TRIML1: variants seen among roughly 807,000 people sequenced by gnomAD.
The protein encoded by TRIML1 is tripartite motif family like 1.
In TRIML1, 34 loss-of-function variants were observed where a neutral mutation model predicts 32.3. That is an observed-to-expected ratio of 1.05 (90% CI 0.80 to 1.40). The LOEUF (loss-of-function observed/expected upper bound fraction) is 1.40. Ranked by LOEUF, TRIML1 falls within the 40% of genes most tolerant of loss-of-function variation. The probability of loss-of-function intolerance (pLI) is 0.00; values close to 1 mark genes in which losing one functional copy is unlikely to be tolerated. For missense variants in TRIML1, 595 were observed against 574.9 expected (o/e 1.03, Z -0.36); for synonymous variants, 244 against 226.6 (o/e 1.08, Z -0.69).
chr4:188,143,745 T>C, intron 3 of TRIML1, 93 bp from the exon 4 acceptor site: 1 of 1,490,516 alleles, frequency 6.7e-7, no homozygotes, highest in Non-Finnish European at 9.4e-7. Flanking sequence ...GGAAGCAGAT[T>C]CTGTGAGCTT....
chr4:188,141,262 G>A (rs1734845190), intron 2 of TRIML1, among the ~76,000 whole-genome samples: 1 of 149,450 alleles, frequency 6.7e-6, no homozygotes, highest in African/African-American at 2.5e-5. Context: ...CCACCTCCCG[G>A]GTTCAAGTGA....
At chr4:188,140,054 G>A in intron 1 of TRIML1, 88 bp downstream of exon 1, 2 of 1,409,874 alleles carry the variant, frequency 1.4e-6, no homozygotes, top group Non-Finnish European at 1.9e-6. Flanking sequence ...CTCTGTGGGG[G>A]ACAGTCACGA....
At chr4:188,144,492 A>G (rs914320570) in intron 5 of TRIML1, among the ~76,000 whole-genome samples, 116 of 143,728 alleles carry the variant, frequency 8.1e-4, no homozygotes, top group Middle Eastern at 3.8e-3. Flanking sequence ...CCTCCCGAGT[A>G]GCTGGGACTA....
chr4:188,140,373 C>T (rs560621154), intron 1 of TRIML1, among the ~76,000 whole-genome samples, 155 bp from the exon 2 acceptor site: 145 of 152,264 alleles, frequency 9.5e-4, no homozygotes, highest in African/African-American at 3.1e-3. Flanking sequence ...CCGCCTGCCT[C>T]GGCCTCCCAA....
At chr4:188,140,123 TC>T (rs1734797470) in intron 1 of TRIML1, among the ~76,000 whole-genome samples, 157 bp downstream of exon 1, 2 of 142,746 alleles carry the variant, frequency 1.4e-5, no homozygotes, top group African/African-American at 5.0e-5. Context: ...CCCTTTTTTT[TC>T]CCTTTTTTTG....
chr4:188,139,717 T>A lies in TRIML1; in HGVS notation c.159T>A (p.Cys53Ter). The change falls in exon 1 of 6, where the codon TGT becomes TGA. Residue 53 changes from cysteine (C) to a stop codon, truncating the protein, a stop_gained. Transcript: ENST00000332517. LOFTEE classifies it high-confidence loss of function. The part of the protein sequence containing the change: ...SWEEHNTPLS[C>*]PECWRTLEGP... The stretch of plus-strand genomic sequence containing the variant: ...AGGAACATAACACACCTTTATCTTG[T>A]CCTGAGTGCTGGAGGACCTTGGAGG... 1 of 1,613,956 alleles carries A rather than the reference T, an allele frequency of 6.2e-7. No individual in the cohort carries two copies. Among genetic ancestry groups the A allele is most frequent in the Non-Finnish European group, 8.5e-7 (1 of 1,179,992 alleles).
At chr4:188,140,112 A>G in intron 1 of TRIML1, 146 bp downstream of exon 1, 3 of 816,516 alleles carry the variant, frequency 3.7e-6, no homozygotes, top group Non-Finnish European at 5.5e-6. Flanking sequence ...TCCAGTTTAC[A>G]CCCTTTTTTT....
chr4:188,139,337 A>T, upstream of TRIML1: 1 of 430,662 alleles, frequency 2.3e-6, no homozygotes, highest in Non-Finnish European at 4.1e-6. Context: ...GGGGTTGGTG[A>T]GGAGCCCAGT....
chr4:188,141,568 T>C (rs189030442), intron 2 of TRIML1, among the ~76,000 whole-genome samples: 5 of 152,324 alleles, frequency 3.3e-5, no homozygotes, highest in Admixed American at 3.3e-4. Context: ...GTTGAATAAA[T>C]GAACACACAT....
upstream of TRIML1, chr4:188,139,388 G>A (rs1734758950): frequency 1.6e-6 from 1 of 631,904 alleles, no homozygotes; most frequent in South Asian, 2.5e-5. Flanking sequence ...GCTTTGTGTT[G>A]GACAGTGTAT....
In TRIML1 at chr4:188,147,326, C is replaced by G. The variant is rs766815907; in HGVS notation, c.1361C>G (p.Thr454Arg). 4.6e-6 allele frequency: 7 copies of G among 1,530,472 alleles called. No homozygotes were observed. The South Asian group carries it at 7.9e-5, about 17-fold the overall frequency. 94.8% of individuals were successfully genotyped at this position (1,530,472 alleles called of 1,614,324 possible). Residue 454 changes from threonine (T) to arginine (R), a missense_variant, in exon 6 of 6, where the codon ACA becomes AGA. Thr to Arg is a moderately conservative substitution (Grantham distance 71). Coordinates refer to ENST00000332517, the MANE Select transcript of TRIML1 (RefSeq NM_178556.5). ...TCCCCCTGCCTCCCAAATGAGGGGA[C>G]AAACACAGACCCTCTCACCATCTGC... ...IFSPCLPNEG[T>R]NTDPLTICSL...
chr4:188,148,321 C>A (rs575063352), downstream of TRIML1, among the ~76,000 whole-genome samples: 2 of 151,456 alleles, frequency 1.3e-5, no homozygotes, highest in East Asian at 4.0e-4. Context: ...TGGAGAAACC[C>A]CTTCTCTACT....
chr4:188,145,441 CAAAAAAAAAAAA>C (rs869253721), intron 5 of TRIML1, among the ~76,000 whole-genome samples: 3 of 34,320 alleles, frequency 8.7e-5, no homozygotes, highest in Non-Finnish European at 1.4e-4. Flanking sequence ...GACTCCGTCT[CAAAAAAAAAAAA>C]AAAAAAAAAA....
At chr4:188,150,011 G>A (rs551524403), downstream of TRIML1, among the ~76,000 whole-genome samples, 49 of 151,926 alleles carry the variant, frequency 3.2e-4, no homozygotes, top group Admixed American at 4.6e-4. Flanking sequence ...TCACCATGTT[G>A]GCCAGGATGG....
chr4:188,143,741 A>T, intron 3 of TRIML1, 97 bp from the exon 4 acceptor site: 2 of 1,456,476 alleles, frequency 1.4e-6, no homozygotes, highest in Non-Finnish European at 9.6e-7. Context: ...CATGGGAAGC[A>T]GATTCTGTGA....
upstream of TRIML1, among the ~76,000 whole-genome samples, chr4:188,138,851 T>C (rs1734744797): frequency 6.6e-6 from 1 of 152,062 alleles, no homozygotes; most frequent in African/African-American, 2.4e-5. Flanking sequence ...TACTAGGGTG[T>C]GCAGGGAAGA....
Position 188,145,464 on chromosome 4 carries a change from AAAAAAAAAAAAAG to A in TRIML1, c.856+1332_856+1344del, listed in dbSNP as rs1211586468. Reference sequence around the variant, plus strand: ...CTCAAAAAAAAAAAAAAAAAAAAAAAAAAAAAAAAAAAGTCAGAAATGGAATGACTGGGGTACC... The same window carrying A: ...CTCAAAAAAAAAAAAAAAAAAAAAAATCAGAAATGGAATGACTGGGGTACC... On this transcript the variant is annotated intron_variant, in intron 5 of 5. Coordinates refer to ENST00000332517, the MANE Select transcript of TRIML1 (RefSeq NM_178556.5). 3.2e-3 allele frequency among the ~76,000 whole-genome samples: 159 copies of A among 50,116 alleles called. 1 individual carries two copies. The highest frequency in any genetic ancestry group is 7.8e-3 in the East Asian group (26 of 3,350). 32.9% of individuals were successfully genotyped at this position (50,116 alleles called of 152,430 possible).
intron 1 of TRIML1, 90 bp downstream of exon 1, chr4:188,140,056 C>A: frequency 7.2e-7 from 1 of 1,385,366 alleles, no homozygotes. Flanking sequence ...CTGTGGGGGA[C>A]AGTCACGAGG....
At chr4:188,143,286 C>G (rs536256817) in intron 3 of TRIML1, 1 of 155,708 alleles carries the variant, frequency 6.4e-6, no homozygotes, top group East Asian at 1.9e-4. Flanking sequence ...TATCTCTTGA[C>G]CTTGTGATCC....
Sources: allele counts gnomAD v4.1 joint callset (sites outside exome capture counted in the v4.1 genomes callset), GRCh38; gene constraint gnomAD v4.1.1; transcripts MANE v1.5; gene names NCBI Gene and HGNC (gene_info 2026-07-23, HGNC 2026-07-21).